ARHGEF37: variants seen among roughly 807,000 people sequenced by gnomAD.
ARHGEF37 encodes the protein Rho guanine nucleotide exchange factor 37, also known as Rho guanine nucleotide exchange factor (GEF) 37.
A neutral mutation model predicts 71.1 loss-of-function variants in ARHGEF37; 55 were observed. The ratio of observed to expected loss-of-function variants is 0.77; its 90% CI spans 0.62 to 0.97. The LOEUF is 0.97. Ranked by LOEUF, ARHGEF37 falls within the 50% of genes least tolerant of loss-of-function variation. ARHGEF37 has a pLI of 0.00. For synonymous variants in ARHGEF37, 327 were observed against 350.6 expected (o/e 0.93, Z 0.75); for missense variants, 765 against 836.8 (o/e 0.91, Z 1.06).
At position 149,555,034 on chromosome 5, in the gene ARHGEF37, G is replaced by A. The variant is rs187263249; in HGVS notation, c.-12+2911G>A. Among the ~76,000 whole-genome samples, 805 of 151,952 alleles carry A rather than the reference G, an allele frequency of 5.3e-3. 9 individuals carry two copies. Among genetic ancestry groups the A allele is most frequent in the African/African-American group, 0.019 (784 of 41,436 alleles). On this transcript the variant is annotated intron_variant, in intron 1 of 2. Transcript: ENST00000505810. ...TAGTCCCAGCTACTCAGGAGGCTGA[G>A]GCAGGAGAATCGCTGGAACCCGAGA...
upstream of ARHGEF37, among the ~76,000 whole-genome samples, chr5:149,577,797 G>A (rs1456542381): frequency 1.3e-5 from 2 of 152,266 alleles, no homozygotes; most frequent in Non-Finnish European, 2.9e-5. Flanking sequence ...TTGGGAAACA[G>A]GACATTGTGT....
intron 12 of ARHGEF37, among the ~76,000 whole-genome samples, chr5:149,630,385 G>T (rs868775175): frequency 1.2e-4 from 19 of 152,166 alleles, no homozygotes; most frequent in Admixed American, 2.0e-4. Context: ...GTGGCAGGGG[G>T]TGTACCACAG....
intron 12 of ARHGEF37, among the ~76,000 whole-genome samples, chr5:149,629,215 GATTC>G (rs34166602): frequency 0.44 from 66,645 of 151,156 alleles, 14,809 homozygotes; most frequent in Middle Eastern, 0.49. Context: ...GGGCAAGTGA[GATTC>G]ATTCATTCAT....
intron 11 of ARHGEF37, 93 bp from the exon 12 acceptor site, chr5:149,628,716 G>A (rs982389086): frequency 2.1e-6 from 3 of 1,449,942 alleles, no homozygotes; most frequent in Non-Finnish European, 2.8e-6. Context: ...TTGAGAAGCT[G>A]TGTTGGAAAC....
At chr5:149,586,965 C>T (rs1763259025) in intron 1 of ARHGEF37, among the ~76,000 whole-genome samples, 2 of 152,128 alleles carry the variant, frequency 1.3e-5, no homozygotes, top group African/African-American at 4.8e-5. Flanking sequence ...TCTGGCATGA[C>T]CAGTTTTTAT....
intron 1 of ARHGEF37, among the ~76,000 whole-genome samples, chr5:149,585,884 G>A (rs1048892194): frequency 6.6e-6 from 1 of 152,132 alleles, no homozygotes. Flanking sequence ...CAAACTTTTT[G>A]GTGGCTTCCA....
rs1237295386 is a variant in ARHGEF37 at position 149,622,042 on chromosome 5, G to A, written c.1315G>A (p.Ala439Thr). The A allele has an allele frequency of 1.2e-6, 2 of 1,611,352 alleles. No individual in the cohort carries two copies. The highest frequency in any genetic ancestry group is 1.7e-5 in the Admixed American group (1 of 59,820). ...RDLAKQVLQR[A>T]EGSMAQLPHH... ...CCTTGCAAAGCAAGTGCTGCAGAGG[G>A]CAGAGGGAAGCATGGCCCAGGTAAG... is the stretch of plus-strand genomic sequence containing the variant. Residue 439 changes from alanine (A) to threonine (T), a missense_variant, in exon 9 of 13, where the codon GCA (alanine) becomes ACA (threonine). Ala to Thr is a moderately conservative substitution (Grantham distance 58, BLOSUM62 0). Transcript: ENST00000333677.
chr5:149,577,587 C>T (rs141126764), upstream of ARHGEF37, among the ~76,000 whole-genome samples: 1 of 152,168 alleles, frequency 6.6e-6, no homozygotes, highest in South Asian at 2.1e-4. Flanking sequence ...ATTAGCTAAA[C>T]TTATAAAAGG....
chr5:149,559,613 A>T (rs536336538), intron 1 of ARHGEF37, among the ~76,000 whole-genome samples: 1 of 152,320 alleles, frequency 6.6e-6, no homozygotes, highest in East Asian at 1.9e-4. Flanking sequence ...TTTAGGATAT[A>T]TTTCTAGAAA....
chr5:149,622,513 T>C (rs1350994125), intron 9 of ARHGEF37, among the ~76,000 whole-genome samples: 1 of 152,196 alleles, frequency 6.6e-6, no homozygotes, highest in East Asian at 1.9e-4. Context: ...TCTCCATGCA[T>C]GATCTCATTC....
intron 2 of ARHGEF37, among the ~76,000 whole-genome samples, chr5:149,598,973 C>T (rs1763674403): frequency 6.6e-6 from 1 of 152,018 alleles, no homozygotes; most frequent in African/African-American, 2.4e-5. Flanking sequence ...TGGGAATCAC[C>T]TTGAGATGTG....
chr5:149,605,371 A>G (rs2113331041), intron 3 of ARHGEF37, among the ~76,000 whole-genome samples: 1 of 152,322 alleles, frequency 6.6e-6, no homozygotes, highest in South Asian at 2.1e-4. Context: ...TAGATCCAAA[A>G]TAATATTTTA....
intron 6 of ARHGEF37, 33 bp from the exon 7 acceptor site, chr5:149,618,905 G>A (rs774614644): frequency 1.9e-6 from 3 of 1,555,916 alleles, no homozygotes; most frequent in Middle Eastern, 1.7e-4. Context: ...CCCCCATGTG[G>A]ATATTCTCAA....
chr5:149,576,957 GA>G (rs1182598209), upstream of ARHGEF37, among the ~76,000 whole-genome samples: 2 of 146,896 alleles, frequency 1.4e-5, no homozygotes, highest in African/African-American at 4.9e-5. Context: ...GACTCTGTCT[GA>G]AAAAAAAAAT....
At chr5:149,577,901 A>C (rs1004842619), upstream of ARHGEF37, among the ~76,000 whole-genome samples, 8 of 152,278 alleles carry the variant, frequency 5.3e-5, no homozygotes, top group African/African-American at 1.9e-4. Flanking sequence ...GAAGAGAAGC[A>C]GGCAATGTGT....
intron 11 of ARHGEF37, 31 bp from the exon 12 acceptor site, chr5:149,628,778 G>A (rs779574482): frequency 2.2e-5 from 35 of 1,588,922 alleles, no homozygotes; most frequent in East Asian, 1.1e-4. Context: ...AAGGTGGCCC[G>A]CAGCCTGCTA....
In ARHGEF37 at chr5:149,634,430, T is replaced by C. The variant is rs144859136; in HGVS notation, c.*2239T>C. ...GCCATTAAAAGGGACCTGAACAAAATTGGATGTCTTGTAGGCATAAGGGAG... is the reference window on the plus strand; with the variant it reads ...GCCATTAAAAGGGACCTGAACAAAACTGGATGTCTTGTAGGCATAAGGGAG... On this transcript the variant is annotated 3_prime_UTR_variant, in exon 13 of 13. Coordinates refer to ENST00000333677, the MANE Select transcript of ARHGEF37 (RefSeq NM_001001669.3). 344 of 152,668 alleles carry C rather than the reference T, an allele frequency of 2.3e-3. 1 individual carries two copies. Among genetic ancestry groups the C allele is most frequent in the African/African-American group, 7.9e-3 (329 of 41,556 alleles). 9.5% of individuals were successfully genotyped at this position (152,668 alleles called of 1,614,324 possible).
intron 4 of ARHGEF37, 111 bp downstream of exon 4, chr5:149,609,806 C>A: frequency 7.0e-7 from 1 of 1,422,694 alleles, no homozygotes; most frequent in Non-Finnish European, 9.5e-7. Flanking sequence ...GAGTGTTGCT[C>A]TGTCAGAGCC....
Position 149,632,370 on chromosome 5 carries a change from G to T in ARHGEF37, c.*179G>T, listed in dbSNP as rs545380264. ...CGGGCCTCGCAGAGTGCTTGGTGTG[G>T]TGGGGGCACAGGAGGCTCCAGCCAG... On this transcript the variant is annotated 3_prime_UTR_variant, in exon 13 of 13. Coordinates refer to ENST00000333677, the MANE Select transcript of ARHGEF37 (RefSeq NM_001001669.3). 11 of 663,984 alleles carry T rather than the reference G, an allele frequency of 1.7e-5. No homozygotes were observed. The highest frequency in any genetic ancestry group is 2.5e-5 in the Non-Finnish European group (10 of 394,856). The allele number at this position is 663,984 out of a possible 1,614,324, so 41.1% of individuals were successfully genotyped here. A position where few individuals can be genotyped will look rare whatever the true frequency, so the allele number is the denominator to read the frequency against.
Sources: gnomAD v4.1 joint callset for allele counts (sites outside exome capture counted in the v4.1 genomes callset) on GRCh38, gnomAD v4.1.1 for gene constraint, MANE v1.5 for transcripts, NCBI Gene and HGNC (gene_info 2026-07-23, HGNC 2026-07-21) for gene names.